PTPN11: variants seen among roughly 807,000 people sequenced by gnomAD.
The protein encoded by PTPN11 is tyrosine-protein phosphatase non-receptor type 11.
A neutral mutation model predicts 78.8 loss-of-function variants in PTPN11; 6 were observed. The ratio of observed to expected loss-of-function variants is 0.08; its 90% confidence interval spans 0.04 to 0.15. The LOEUF (loss-of-function observed/expected upper bound fraction) is 0.15. Among genes scored for constraint, PTPN11 ranks in the 10% least tolerant of loss-of-function variants. The probability of loss-of-function intolerance (pLI) is 1.00; values close to 1 mark genes in which losing one functional copy is unlikely to be tolerated. For synonymous variants in PTPN11, 221 were observed against 263.5 expected, an observed-to-expected ratio of 0.84 and a Z score of 1.56; for missense variants, 386 against 744.8, an observed-to-expected ratio of 0.52 and a Z score of 5.61.
At chr12:112,427,741 A>T (rs1454105566) in intron 1 of PTPN11, among the ~76,000 whole-genome samples, 2 of 150,770 alleles carry the variant, frequency 1.3e-5, no homozygotes, top group African/African-American at 2.4e-5. Context: ...GTGTTTTTTT[A>T]TTTTTATTTT....
At chr12:112,481,250 C>T (rs999007792) in intron 9 of PTPN11, among the ~76,000 whole-genome samples, 5 of 152,190 alleles carry the variant, frequency 3.3e-5, no homozygotes, top group Admixed American at 1.3e-4. Context: ...AGCCTAGCCT[C>T]CTCCAGAATC....
At chr12:112,458,744 G>A (rs1007577046) in intron 6 of PTPN11, among the ~76,000 whole-genome samples, 2 of 152,216 alleles carry the variant, frequency 1.3e-5, no homozygotes, top group Non-Finnish European at 2.9e-5. Context: ...GTGAAAAAGT[G>A]ATGATAGGCT....
intron 6 of PTPN11, among the ~76,000 whole-genome samples, chr12:112,470,828 T>A (rs979841253): frequency 6.6e-6 from 1 of 152,254 alleles, no homozygotes; most frequent in East Asian, 1.9e-4. Context: ...TTCAGTTCAG[T>A]GTTTGAACTT....
At chr12:112,442,828 TTTTATA>T (rs1474231443) in intron 1 of PTPN11, among the ~76,000 whole-genome samples, 6 of 54,988 alleles carry the variant, frequency 1.1e-4, no homozygotes, top group African/African-American at 3.7e-4. Context: ...CTCTCTCTCT[TTTTATA>T]TATATATATA....
At chr12:112,494,511 A>G (rs994759435) in intron 13 of PTPN11, among the ~76,000 whole-genome samples, 8 of 152,248 alleles carry the variant, frequency 5.3e-5, no homozygotes, top group African/African-American at 1.2e-4. Context: ...TGGCTAGTGG[A>G]AACCTTTTCA....
intron 1 of PTPN11, among the ~76,000 whole-genome samples, chr12:112,424,184 A>G (rs961992641): frequency 9.9e-5 from 15 of 152,216 alleles, no homozygotes; most frequent in African/African-American, 3.6e-4. Context: ...CGTGCTAGGC[A>G]TTGAGTATTC....
chr12:112,430,636 C>T (rs1439535804), intron 1 of PTPN11, among the ~76,000 whole-genome samples: 3 of 151,630 alleles, frequency 2.0e-5, no homozygotes, highest in Admixed American at 2.0e-4. Flanking sequence ...TGAGGTCTCA[C>T]TATGTTGCCC....
Position 112,483,899 on chromosome 12 carries a change from A to C in PTPN11, c.1224+1694A>C, listed in dbSNP as rs541690089. Among the ~76,000 whole-genome samples, 5 of 152,212 alleles carry C rather than the reference A, an allele frequency of 3.3e-5. No individual in the cohort carries two copies. In the South Asian group the frequency reaches 1.0e-3, roughly 32 times the overall value. On this transcript the variant is annotated intron_variant, in intron 10 of 15. Transcript: ENST00000351677. ...GGAGTTGAGGAAGCTGGGAGGATCA[A>C]GGACCTTTTTGTGAACACACAAAGT...
intron 7 of PTPN11, among the ~76,000 whole-genome samples, chr12:112,477,167 C>G (rs1487021981): frequency 6.6e-6 from 1 of 152,080 alleles, no homozygotes; most frequent in Non-Finnish European, 1.5e-5. Flanking sequence ...CAGATGTGGA[C>G]CAACATGCCT....
At chr12:112,457,088 C>T (rs1029890161) in intron 6 of PTPN11, among the ~76,000 whole-genome samples, 2 of 152,046 alleles carry the variant, frequency 1.3e-5, no homozygotes, top group Admixed American at 6.6e-5. Flanking sequence ...TCCTAATGCT[C>T]TCCCTCCCCT....
At chr12:112,419,189 C>A (rs1232199124) in intron 1 of PTPN11, 64 bp downstream of exon 1, 10 of 1,389,054 alleles carry the variant, frequency 7.2e-6, no homozygotes, top group Non-Finnish European at 9.3e-6. Flanking sequence ...CGGTTAGCCC[C>A]GTCCGGAAGG....
chr12:112,502,013 A>G (rs139204189), intron 13 of PTPN11, 131 bp from the exon 14 acceptor site: 781 of 717,062 alleles, frequency 1.1e-3, no homozygotes, highest in Non-Finnish European at 1.7e-3. Context: ...ATGTATCAGT[A>G]TTCTCAACCC....
rs777648168 is a variant in PTPN11 at position 112,489,202 on chromosome 12, A to T, written c.1599+27A>T. ...TACCAGCCTGAGGGCTGGCATGCGG[A>T]TTCTCATTCTCTTGCTAGGCCTCTT... On this transcript the variant is annotated intron_variant, in intron 13 of 15. Coordinates refer to ENST00000351677, the MANE Select transcript of PTPN11 (RefSeq NM_002834.5). 10 of 1,611,100 alleles carry T rather than the reference A, an allele frequency of 6.2e-6. No homozygotes were observed. The African/African-American group carries it at 1.3e-4, about 22-fold the overall frequency.
At chr12:112,446,965 A>G (rs963140183) in intron 2 of PTPN11, among the ~76,000 whole-genome samples, 1 of 152,050 alleles carries the variant, frequency 6.6e-6, no homozygotes, top group African/African-American at 2.4e-5. Flanking sequence ...TCCTGGGCTT[A>G]AGTGATCCTC....
intron 1 of PTPN11, among the ~76,000 whole-genome samples, chr12:112,423,740 CTT>C (rs1238357055): frequency 1.8e-4 from 20 of 110,686 alleles, no homozygotes; most frequent in Middle Eastern, 5.7e-3. Context: ...CATACAATGT[CTT>C]TTTTTTTTTT....
chr12:112,428,450 C>G (rs1225069587), intron 1 of PTPN11, among the ~76,000 whole-genome samples: 1 of 141,136 alleles, frequency 7.1e-6, no homozygotes, highest in Non-Finnish European at 1.5e-5. Flanking sequence ...CGCTTATAAC[C>G]TTTGAGGCTG....
At chr12:112,434,220 C>T (rs968757143) in intron 1 of PTPN11, among the ~76,000 whole-genome samples, 1 of 152,000 alleles carries the variant, frequency 6.6e-6, no homozygotes, top group African/African-American at 2.4e-5. Flanking sequence ...GTTGAGGCTG[C>T]AGTGAGCCAT....
Position 112,450,516 on chromosome 12 carries a change from A to G in PTPN11, c.332+4A>G, listed in dbSNP as rs1442876161. 1 of 1,613,418 alleles carries G rather than the reference A, an allele frequency of 6.2e-7. No individual in the cohort carries two copies. Among genetic ancestry groups the G allele is most frequent in the East Asian group, 2.2e-5 (1 of 44,898 alleles). ...GTGCAGATCCTACCTCTGAAAGGTC[A>G]GTAACATTTTAGTGACCACAAAGTC... On this transcript the variant is annotated splice_donor_region_variant and intron_variant, in intron 3 of 15. Transcript: ENST00000351677.
rs187431936 is a variant in PTPN11 at position 112,426,690 on chromosome 12, A to G, written c.14+7565A>G. Reference sequence around the variant, plus strand: ...ATAGGCCCTGGAGCTTATTTTAGACATTGATTTGAGGCTCTTTTCCCCAAG... The same window carrying G: ...ATAGGCCCTGGAGCTTATTTTAGACGTTGATTTGAGGCTCTTTTCCCCAAG... On this transcript the variant is annotated intron_variant, in intron 1 of 15. Transcript: ENST00000351677. Among the ~76,000 whole-genome samples the G allele has an allele frequency of 2.9e-3, 435 of 152,160 alleles. 1 individual carries two copies. Among genetic ancestry groups the G allele is most frequent in the Non-Finnish European group, 4.5e-3 (307 of 68,008 alleles).
Sources: allele counts gnomAD v4.1 joint callset (sites outside exome capture counted in the v4.1 genomes callset), GRCh38; gene constraint gnomAD v4.1.1; transcripts MANE v1.5; gene names NCBI Gene and HGNC (gene_info 2026-07-23, HGNC 2026-07-21).